Variants in DOP1B observed in about 807,000 individuals in gnomAD.
DOP1B encodes protein DOP1B.
Under a neutral mutation model 233.5 loss-of-function variants are expected in DOP1B, and 174 were observed. The observed-to-expected ratio is 0.75, with a 90% CI of 0.66 to 0.85. DOP1B has a LOEUF of 0.85. Among genes scored for constraint, DOP1B ranks in the 40% least tolerant of loss-of-function variants. The pLI, the probability that DOP1B is intolerant of heterozygous loss-of-function variation, is 0.00. For synonymous variants in DOP1B, 1,190 were observed against 1,185.6 expected (o/e 1.00, Z -0.08); for missense variants, 2,652 against 2,846.6 (o/e 0.93, Z 1.56).
At chr21:36,219,073 A>G (rs1265159285) in intron 9 of DOP1B, among the ~76,000 whole-genome samples, 2 of 152,192 alleles carry the variant, frequency 1.3e-5, no homozygotes, top group South Asian at 4.1e-4. Context: ...ATGTGTAATC[A>G]GCAGTACAGG....
chr21:36,253,514 G>C (rs1318628790), intron 22 of DOP1B, among the ~76,000 whole-genome samples: 3 of 152,000 alleles, frequency 2.0e-5, no homozygotes, highest in Non-Finnish European at 4.4e-5. Flanking sequence ...GGGAGTTTGA[G>C]ACCAGCCTAG....
At chr21:36,225,746 C>A in intron 12 of DOP1B, 79 bp downstream of exon 12, 1 of 1,377,146 alleles carries the variant, frequency 7.3e-7, no homozygotes, top group Non-Finnish European at 1.0e-6. Context: ...CTTTATCAAC[C>A]TCACATTACT....
rs149162102 is a variant in DOP1B, at chr21:36,232,962, C to T, written c.2509C>T (p.Arg837Cys). 4.8e-4 allele frequency: 779 copies of T among 1,614,054 alleles called. 2 individuals are homozygous for T. In the African/African-American group the frequency reaches 6.4e-3, roughly 13 times the overall value. ...LALVIEDKMK[R>C]YKSSGHNPFF... is the part of the protein sequence containing the mutation. Reference sequence around the variant, plus strand: ...GCTTGTCATTGAAGACAAGATGAAACGCTATAAGAGCTCTGGACACAACCC... The same window carrying T: ...GCTTGTCATTGAAGACAAGATGAAATGCTATAAGAGCTCTGGACACAACCC... The change falls in exon 15 of 37, where the codon CGC (arginine) becomes TGC (cysteine). Residue 837 changes from arginine to cysteine, a missense_variant. Transcript: ENST00000691173.
rs1403892522 is a variant in DOP1B, at chr21:36,245,891, A to G, written c.3911A>G (p.Asn1304Ser). Residue 1304 changes from asparagine (N) to serine (S), a missense_variant, in exon 19 of 37, where the codon AAC (asparagine) becomes AGC (serine). Physicochemically the swap from Asn to Ser is conservative, Grantham distance 46. Coordinates refer to ENST00000691173, the MANE Select transcript of DOP1B (RefSeq NM_001320714.2). The surrounding 1 kb of genome is among the most constrained non-coding windows in gnomAD (Gnocchi z 5.5). ...GGAAAGCTCCAGACCCAGGTCCCCAACGTGTGCCCCCACTCTCTGCTCCTG... is the reference window on the plus strand; with the variant it reads ...GGAAAGCTCCAGACCCAGGTCCCCAGCGTGTGCCCCCACTCTCTGCTCCTG... Reference protein sequence around the residue: ...FYGKLQTQVPNVCPHSLLLEL... With the variant: ...FYGKLQTQVPSVCPHSLLLEL... 1.9e-6 allele frequency: 3 copies of G among 1,613,588 alleles called. No individual in the cohort carries two copies. Among genetic ancestry groups the G allele is most frequent in the South Asian group, 2.2e-5 (2 of 91,066 alleles).
At chr21:36,207,118 T>G (rs914760040) in intron 4 of DOP1B, among the ~76,000 whole-genome samples, 1 of 151,988 alleles carries the variant, frequency 6.6e-6, no homozygotes, top group Admixed American at 6.6e-5. Flanking sequence ...CTAGTAGTAA[T>G]TGCAGGCGGC....
intron 2 of DOP1B, among the ~76,000 whole-genome samples, chr21:36,179,006 C>T (rs2066064350): frequency 6.6e-6 from 1 of 152,176 alleles, no homozygotes; most frequent in Non-Finnish European, 1.5e-5. Context: ...TGTTTTCTGT[C>T]ACCATAGATT....
At chr21:36,277,830 T>A (rs2067369419) in intron 28 of DOP1B, 145 bp from the exon 29 acceptor site, 5 of 625,428 alleles carry the variant, frequency 8.0e-6, no homozygotes, top group Non-Finnish European at 1.1e-5. Flanking sequence ...TTAGTAGAGA[T>A]GGGGTTTCAC....
chr21:36,193,394 T>G (rs968696862), intron 2 of DOP1B, among the ~76,000 whole-genome samples: 2 of 152,190 alleles, frequency 1.3e-5, no homozygotes, highest in South Asian at 4.1e-4. Flanking sequence ...GGCCTGTTTG[T>G]TCAGGTTCTT....
At chr21:36,202,240 C>T (rs998565428) in intron 4 of DOP1B, among the ~76,000 whole-genome samples, 2 of 152,060 alleles carry the variant, frequency 1.3e-5, no homozygotes, top group Non-Finnish European at 2.9e-5. Flanking sequence ...ACACAGTGAC[C>T]TTTGTTTCCG....
chr21:36,233,893 A>T (rs1283712610), intron 15 of DOP1B, among the ~76,000 whole-genome samples: 1 of 152,070 alleles, frequency 6.6e-6, no homozygotes, highest in African/African-American at 2.4e-5. Flanking sequence ...CCGCTCTGTC[A>T]CCCAGGCTGG....
At position 36,245,997 on chromosome 21, in the gene DOP1B, C is replaced by T. The variant is rs763331693; in HGVS notation, c.4017C>T (p.Leu1339=). The T allele has an allele frequency of 5.5e-5, 89 of 1,613,974 alleles. No individual in the cohort carries two copies. The highest frequency in any genetic ancestry group is 1.8e-4 in the South Asian group (16 of 91,062). ...CYLKVSHRDI[L]GNRDVQVKSV... ...TGAAGGTCTCGCACCGAGACATTCT[C>T]GGCAACCGGGACGTGCAGGTCAAAA... The change falls in exon 19 of 37, where the codon CTC becomes CTT. Residue 1339 remains leucine, a synonymous_variant. Coordinates refer to ENST00000691173, the MANE Select transcript of DOP1B (RefSeq NM_001320714.2). This position sits in a 1 kb window ranked among gnomAD's most constrained non-coding sequence, Gnocchi z 5.5.
At chr21:36,284,880 GTATTA>G (rs913754197) in intron 32 of DOP1B, among the ~76,000 whole-genome samples, 3 of 149,690 alleles carry the variant, frequency 2.0e-5, no homozygotes, top group African/African-American at 4.9e-5. Context: ...TATTATATTT[GTATTA>G]TATTGACATG....
chr21:36,254,626 AC>A (rs1376893165), intron 23 of DOP1B, among the ~76,000 whole-genome samples: 1 of 152,196 alleles, frequency 6.6e-6, no homozygotes, highest in Non-Finnish European at 1.5e-5. Context: ...CTTGAGAAAC[AC>A]ATTCCTAGGT....
intron 23 of DOP1B, among the ~76,000 whole-genome samples, chr21:36,259,756 T>C (rs534075683): frequency 1.3e-5 from 2 of 152,318 alleles, no homozygotes; most frequent in East Asian, 3.9e-4. Flanking sequence ...TACTTGAATT[T>C]CTACAAATAC....
rs1176760759 is a variant in DOP1B, at chr21:36,294,146, GAAGTA to G, written c.*581_*585del. 1 of 153,218 alleles carries G rather than the reference GAAGTA, an allele frequency of 6.5e-6. No individual in the cohort carries two copies. Among genetic ancestry groups the G allele is most frequent in the African/African-American group, 2.4e-5 (1 of 41,432 alleles). 9.5% of individuals were successfully genotyped at this position (153,218 alleles called of 1,614,324 possible). A position where few individuals can be genotyped will look rare whatever the true frequency, so the allele number is the denominator to read the frequency against. ...AACAGTAGCACAAAATTTGTAATAT[GAAGTA>G]AAGTATGAAGATAATGAAGAAGTTG... On this transcript the variant is annotated 3_prime_UTR_variant, in exon 37 of 37. Transcript: ENST00000691173.
intron 15 of DOP1B, among the ~76,000 whole-genome samples, chr21:36,234,816 C>A (rs762026213): frequency 6.6e-6 from 1 of 152,068 alleles, no homozygotes; most frequent in African/African-American, 2.4e-5. Flanking sequence ...GCCTTACAGG[C>A]GTGAGCCACC....
At chr21:36,266,504 G>A (rs2067232140) in intron 26 of DOP1B, among the ~76,000 whole-genome samples, 1 of 152,172 alleles carries the variant, frequency 6.6e-6, no homozygotes, top group African/African-American at 2.4e-5. Flanking sequence ...GATTAGAAAG[G>A]ATACAGATGA....
chr21:36,178,060 C>G (rs941945205), intron 2 of DOP1B, among the ~76,000 whole-genome samples: 3 of 152,162 alleles, frequency 2.0e-5, no homozygotes, highest in Non-Finnish European at 4.4e-5. Flanking sequence ...TTGTGTTTCT[C>G]CTTCTCCCCT....
intron 7 of DOP1B, among the ~76,000 whole-genome samples, chr21:36,212,575 AGAGT>A (rs1013030784): frequency 1.3e-5 from 2 of 152,202 alleles, no homozygotes; most frequent in African/African-American, 4.8e-5. Context: ...TCTGTGTGTC[AGAGT>A]GTGTGGACTG....
Sources: gnomAD v4.1 joint callset for allele counts (sites outside exome capture counted in the v4.1 genomes callset) on GRCh38, gnomAD v4.1.1 for gene constraint, Gnocchi (gnomAD v3.1) non-coding constraint, MANE v1.5 for transcripts, NCBI Gene and HGNC (gene_info 2026-07-23, HGNC 2026-07-21) for gene names.